Variants in DNAH5 observed in about 807,000 individuals in gnomAD.
The protein encoded by DNAH5 is axonemal beta dynein heavy chain 5.
Under a neutral mutation model 518.2 loss-of-function variants are expected in DNAH5, and 372 were observed. That is an observed-to-expected ratio of 0.72 (90% CI 0.66 to 0.78). The LOEUF is 0.78. Ranked by LOEUF, DNAH5 falls within the 30% of genes least tolerant of loss-of-function variation. DNAH5 has a pLI of 0.00. For missense variants in DNAH5, 5,523 were observed against 5,687.0 expected, an observed-to-expected ratio of 0.97 and a Z score of 0.93; for synonymous variants, 2,039 against 2,025.9, an observed-to-expected ratio of 1.01 and a Z score of -0.17.
intron 50 of DNAH5, among the ~76,000 whole-genome samples, chr5:13,789,959 T>A (rs1026522446): frequency 1.3e-5 from 2 of 152,142 alleles, no homozygotes; most frequent in Non-Finnish European, 2.9e-5. Context: ...AAGCTCAACA[T>A]CACTCATCAT....
intron 12 of DNAH5, among the ~76,000 whole-genome samples, chr5:13,904,690 C>T (rs375585491): frequency 3.3e-5 from 5 of 151,984 alleles, no homozygotes; most frequent in Non-Finnish European, 1.5e-5. Flanking sequence ...GTTGGCAGAT[C>T]CCTTGACCCC....
chr5:13,917,188 C>G lies in DNAH5; in HGVS notation c.1044G>C (p.Leu348Phe). 3.7e-6 allele frequency: 6 copies of G among 1,613,964 alleles called. No individual in the cohort carries two copies. Among genetic ancestry groups the G allele is most frequent in the Non-Finnish European group, 5.1e-6 (6 of 1,179,944 alleles). ...TNEAKDNVKY[L>F]YTLEKCCDPL... ...GGTCACAACATTTTTCAAGTGTATA[C>G]AAGTATTTCACATTGTCCTTTGCTT... The change falls in exon 8 of 79, where the codon TTG becomes TTC. Residue 348 changes from leucine (L) to phenylalanine (F), a missense_variant. Physicochemically the swap from Leu to Phe is conservative, Grantham distance 22. Coordinates refer to ENST00000265104, the MANE Select transcript of DNAH5 (RefSeq NM_001369.3).
intron 65 of DNAH5, among the ~76,000 whole-genome samples, chr5:13,739,723 G>A (rs1214444067): frequency 1.3e-5 from 2 of 152,084 alleles, no homozygotes; most frequent in Non-Finnish European, 2.9e-5. Flanking sequence ...AGACATGGAG[G>A]GAAAGGAGAG....
chr5:13,997,043 C>T (rs1258298009), intron 1 of DNAH5, among the ~76,000 whole-genome samples: 1 of 152,214 alleles, frequency 6.6e-6, no homozygotes, highest in Non-Finnish European at 1.5e-5. Flanking sequence ...AGCTCATGCA[C>T]TCTGGGTGCC....
At chr5:13,928,504 C>T (rs186117682) in intron 2 of DNAH5, among the ~76,000 whole-genome samples, 1 of 152,294 alleles carries the variant, frequency 6.6e-6, no homozygotes, top group Admixed American at 6.5e-5. Context: ...GAGATGAGTG[C>T]TTCAGTCAAC....
In DNAH5 at chr5:13,793,546, C is replaced by G. The variant is rs767671155; in HGVS notation, c.8193G>C (p.Leu2731Phe). 1 of 1,614,010 alleles carries G rather than the reference C, an allele frequency of 6.2e-7. No individual in the cohort carries two copies. Among genetic ancestry groups the G allele is most frequent in the South Asian group, 1.1e-5 (1 of 91,076 alleles). ...TCTTGTCCACAGAAGCTTCAGAGGG[C>G]AACGTGCAATTAAATATAGAGAACT... Reference protein sequence around the residue: ...KRQFSIFNCTLPSEASVDKIF... With the variant: ...KRQFSIFNCTFPSEASVDKIF... The change falls in exon 49 of 79, where the codon TTG becomes TTC. Residue 2731 changes from leucine to phenylalanine, a missense_variant. By Grantham distance (22) the Leu-to-Phe change is conservative. Coordinates refer to ENST00000265104, the MANE Select transcript of DNAH5 (RefSeq NM_001369.3).
At chr5:13,916,308 A>G in intron 9 of DNAH5, 40 bp downstream of exon 9, 3 of 1,156,972 alleles carry the variant, frequency 2.6e-6, no homozygotes, top group Non-Finnish European at 3.9e-6. Context: ...TCACTGGCAA[A>G]GAAATACAAA....
intron 65 of DNAH5, among the ~76,000 whole-genome samples, chr5:13,747,055 C>T (rs898028056): frequency 1.3e-5 from 2 of 151,128 alleles, no homozygotes; most frequent in Admixed American, 6.6e-5. Context: ...CACCCCACAA[C>T]AGGCCCCAGT....
intron 70 of DNAH5, among the ~76,000 whole-genome samples, chr5:13,725,143 T>C (rs1424099863): frequency 6.6e-6 from 1 of 152,182 alleles, no homozygotes; most frequent in Non-Finnish European, 1.5e-5. Flanking sequence ...GGATGAGACA[T>C]ACATTGAGCA....
chr5:13,867,716 T>C (rs929559859), intron 25 of DNAH5, 58 bp downstream of exon 25: 16 of 1,306,028 alleles, frequency 1.2e-5, no homozygotes, highest in Non-Finnish European at 1.8e-5. Flanking sequence ...ACAACTACAT[T>C]TTGCATGTTG....
Position 13,830,093 on chromosome 5 carries a change from T to G in DNAH5, c.6182A>C (p.Lys2061Thr), listed in dbSNP as rs755401934. Residue 2061 changes from lysine (K) to threonine (T), a missense_variant, in exon 37 of 79, where the codon AAG (lysine) becomes ACG (threonine). By Grantham distance (78) the Lys-to-Thr change is moderately conservative (BLOSUM62 -1). Around this residue, in one of 3 missense-constraint regions of DNAH5, gnomAD observed 5,121 missense variants for 5,223.3 expected, o/e 0.98. Coordinates refer to ENST00000265104, the MANE Select transcript of DNAH5 (RefSeq NM_001369.3). ...ATCTCCATCAGTAAAGATAAAAGAC[T>G]TTTTGTGCTCCTTTTTACATGTCAG... is the stretch of plus-strand genomic sequence containing the variant. ...IILTCKKEHKKSFIFTDGDNV... is the reference protein window; with the variant it reads ...IILTCKKEHKTSFIFTDGDNV... 1 of 1,613,938 alleles carries G rather than the reference T, an allele frequency of 6.2e-7. No homozygotes were observed. The highest frequency in any genetic ancestry group is 2.2e-5 in the East Asian group (1 of 44,850).
At position 13,870,868 on chromosome 5, in the gene DNAH5, G is replaced by T; in HGVS notation, c.3733C>A (p.Arg1245Ser). The change falls in exon 24 of 79, where the codon CGT (arginine) becomes AGT (serine). Residue 1245 changes from arginine to serine, a missense_variant. By Grantham distance (110) the Arg-to-Ser change is moderately radical. This residue lies in a region of DNAH5 where 5,121 missense variants were observed against 5,223.3 expected (regional missense o/e 0.98). Coordinates refer to ENST00000265104, the MANE Select transcript of DNAH5 (RefSeq NM_001369.3). ...ATATCATCTAGGTCCTTAATTGGAC[G>T]ATTTAGTTTCTTATTGAATTCTTCA... ...LIEEFNKKLN[R>S]PIKDLDDIRI... is the part of the protein sequence containing the mutation. The T allele has an allele frequency of 1.2e-6, 2 of 1,613,774 alleles. No homozygotes were observed. The highest frequency in any genetic ancestry group is 1.7e-6 in the Non-Finnish European group (2 of 1,179,816).
At chr5:13,896,403 A>G (rs1197623376) in intron 15 of DNAH5, among the ~76,000 whole-genome samples, 1 of 152,074 alleles carries the variant, frequency 6.6e-6, no homozygotes, top group Non-Finnish European at 1.5e-5. Flanking sequence ...CCTCCTTCAA[A>G]TAAGTACTCA....
chr5:13,940,315 C>T (rs781330895), intron 1 of DNAH5, among the ~76,000 whole-genome samples: 2 of 152,178 alleles, frequency 1.3e-5, no homozygotes, highest in African/African-American at 2.4e-5. Flanking sequence ...AGTGATTTCA[C>T]TCCAAAATCA....
chr5:13,869,325 T>G (rs1265048311), intron 24 of DNAH5, among the ~76,000 whole-genome samples: 1 of 2,078 alleles, frequency 4.8e-4, no homozygotes, highest in Non-Finnish European at 1.1e-3. Context: ...ACAACTGGAG[T>G]TTTTTTTAAT....
intron 32 of DNAH5, 55 bp from the exon 33 acceptor site, chr5:13,841,959 A>C: frequency 9.0e-7 from 1 of 1,114,140 alleles, no homozygotes; most frequent in Non-Finnish European, 1.3e-6. Flanking sequence ...ATAAAAAGTA[A>C]AAACTAATTA....
At chr5:13,796,039 G>T (rs9763786) in intron 47 of DNAH5, among the ~76,000 whole-genome samples, 26,469 of 152,074 alleles carry the variant, frequency 0.17, 2,351 homozygotes, top group Admixed American at 0.21. Flanking sequence ...AGGTATTGAT[G>T]GAACGTATCT....
chr5:14,010,498 G>A (rs1785038245), intron 1 of DNAH5, among the ~76,000 whole-genome samples: 1 of 152,094 alleles, frequency 6.6e-6, no homozygotes, highest in Non-Finnish European at 1.5e-5. Flanking sequence ...ATAGAAAAAA[G>A]TCATTGGTTT....
chr5:13,939,959 G>A (rs555097126), intron 1 of DNAH5, among the ~76,000 whole-genome samples: 3 of 152,170 alleles, frequency 2.0e-5, no homozygotes, highest in South Asian at 2.1e-4. Context: ...TTAAGCGTGT[G>A]GTACCATCCA....
Sources: gnomAD v4.1 joint callset for allele counts (sites outside exome capture counted in the v4.1 genomes callset) on GRCh38, gnomAD v4.1.1 for gene constraint, gnomAD v4.1.1 regional missense constraint, MANE v1.5 for transcripts, NCBI Gene and HGNC (gene_info 2026-07-23, HGNC 2026-07-21) for gene names.